CIPC: variants seen among roughly 807,000 people sequenced by gnomAD.
The protein encoded by CIPC is CLOCK-interacting pacemaker.
A neutral mutation model predicts 26.7 loss-of-function variants in CIPC; 12 were observed. That is an observed-to-expected ratio of 0.45 (90% confidence interval 0.29 to 0.73). CIPC has a LOEUF of 0.73. CIPC is among the 30% of genes least tolerant of loss of function. CIPC has a pLI of 0.12. For synonymous variants in CIPC, 170 were observed against 189.8 expected (o/e 0.90, Z 0.86); for missense variants, 417 against 486.5 (o/e 0.86, Z 1.34).
rs1489053433 is a variant in CIPC at position 77,105,739 on chromosome 14, C to T, written c.31C>T (p.Pro11Ser). ...GAGGAAAAACCCATCCAGAGAGAGC[C>T]CCAGAAGACTCTCTGCCAAAGTAGG... MERKNPSRESPRRLSAKVGKG... is the reference protein window; with the variant it reads MERKNPSRESSRRLSAKVGKG... The change falls in exon 2 of 4, where the codon CCC becomes TCC. Residue 11 changes from proline to serine, a missense_variant. Coordinates refer to ENST00000361786, the MANE Select transcript of CIPC (RefSeq NM_033426.3). The T allele has an allele frequency of 2.2e-5, 35 of 1,613,976 alleles. No homozygotes were observed. The highest frequency in any genetic ancestry group is 2.8e-5 in the Non-Finnish European group (33 of 1,179,940).
In CIPC at chr14:77,114,882, G is replaced by T. The variant is rs1308621854; in HGVS notation, c.*564G>T. 1 of 153,214 alleles carries T rather than the reference G, an allele frequency of 6.5e-6. No homozygotes were observed. The highest frequency in any genetic ancestry group is 1.5e-5 in the Non-Finnish European group (1 of 68,788). 9.5% of individuals were successfully genotyped at this position (153,214 alleles called of 1,614,324 possible). A position where few individuals can be genotyped will look rare whatever the true frequency, so the allele number is the denominator to read the frequency against. Reference sequence around the variant, plus strand: ...GGGTGTGAGCACTTAATCACTCAACGCTTTGTTTTCTTACACTTGAAAATC... The same window carrying T: ...GGGTGTGAGCACTTAATCACTCAACTCTTTGTTTTCTTACACTTGAAAATC... On this transcript the variant is annotated 3_prime_UTR_variant, in exon 4 of 4. Coordinates refer to ENST00000361786, the MANE Select transcript of CIPC (RefSeq NM_033426.3).
intron 1 of CIPC, among the ~76,000 whole-genome samples, chr14:77,102,216 G>A (rs1886502921): frequency 6.6e-6 from 1 of 152,160 alleles, no homozygotes. Flanking sequence ...CTCTGTTATA[G>A]GGCAGGACCC....
chr14:77,104,966 A>T (rs1375755816), intron 1 of CIPC, among the ~76,000 whole-genome samples: 1 of 152,244 alleles, frequency 6.6e-6, no homozygotes, highest in East Asian at 1.9e-4. Flanking sequence ...GTAAAGTGAG[A>T]TAGCAACTGA....
intron 1 of CIPC, among the ~76,000 whole-genome samples, chr14:77,102,728 C>G (rs573072904): frequency 6.6e-6 from 1 of 152,328 alleles, no homozygotes; most frequent in Admixed American, 6.5e-5. Flanking sequence ...TTAGTTGCAA[C>G]TAACATGAGC....
At chr14:77,109,436 A>G (rs754391225) in intron 2 of CIPC, among the ~76,000 whole-genome samples, 1 of 152,200 alleles carries the variant, frequency 6.6e-6, no homozygotes, top group Admixed American at 6.5e-5. Flanking sequence ...ACCTTGGGCC[A>G]TACTCGTCTC....
At chr14:77,113,308 C>A in intron 3 of CIPC, 117 bp from the exon 4 acceptor site, 1 of 1,070,116 alleles carries the variant, frequency 9.3e-7, no homozygotes, top group African/African-American at 1.5e-5. Flanking sequence ...GAGAGAAGCA[C>A]TGTCCTTGAA....
rs1297635304 is a variant in CIPC, at chr14:77,114,645, C to T, written c.*327C>T. ...TTCCTGCTGTCACCTCCCATCATCC[C>T]ACTCTCTCACCAGGATCAAGGGTAC... is the stretch of plus-strand genomic sequence containing the variant. On this transcript the variant is annotated 3_prime_UTR_variant, in exon 4 of 4. Coordinates refer to ENST00000361786, the MANE Select transcript of CIPC (RefSeq NM_033426.3). The T allele has an allele frequency of 3.7e-6, 1 of 267,380 alleles. No individual in the cohort carries two copies. The highest frequency in any genetic ancestry group is 7.2e-6 in the Non-Finnish European group (1 of 139,262). The allele number at this position is 267,380 out of a possible 1,614,324, so 16.6% of individuals were successfully genotyped here. A position where few individuals can be genotyped will look rare whatever the true frequency, so the allele number is the denominator to read the frequency against.
intron 1 of CIPC, chr14:77,100,106 G>T (rs915673725): frequency 2.6e-5 from 4 of 152,196 alleles, no homozygotes; most frequent in African/African-American, 9.6e-5. Flanking sequence ...CGAGGTTGAG[G>T]AGACAAATAA....
chr14:77,104,007 G>A (rs1886543654), intron 1 of CIPC, among the ~76,000 whole-genome samples: 1 of 152,146 alleles, frequency 6.6e-6, no homozygotes, highest in African/African-American at 2.4e-5. Flanking sequence ...TGTCACGGTA[G>A]CAACTAAATG....
At position 77,116,800 on chromosome 14, in the gene CIPC, C is replaced by T. The variant is rs1340500526; in HGVS notation, c.*2482C>T. ...GAAGCCAGATCAGCAAATGGAGGAA[C>T]CTCGGAGGTGACCAGAAAGATCTCC... On this transcript the variant is annotated 3_prime_UTR_variant, in exon 4 of 4. Coordinates refer to ENST00000361786, the MANE Select transcript of CIPC (RefSeq NM_033426.3). 6.6e-6 allele frequency: 1 copy of T among 152,174 alleles called. No individual in the cohort carries two copies. Among genetic ancestry groups the T allele is most frequent in the Non-Finnish European group, 1.5e-5 (1 of 68,048 alleles). 9.4% of individuals were successfully genotyped at this position (152,174 alleles called of 1,614,324 possible). A position where few individuals can be genotyped will look rare whatever the true frequency, so the allele number is the denominator to read the frequency against.
chr14:77,099,706 G>A (rs1461170537), intron 1 of CIPC, among the ~76,000 whole-genome samples: 2 of 152,184 alleles, frequency 1.3e-5, no homozygotes, highest in Non-Finnish European at 2.9e-5. Flanking sequence ...TAAAAGGAGA[G>A]ATCTGAAAGC....
chr14:77,112,886 AT>A (rs1370280706), intron 3 of CIPC, among the ~76,000 whole-genome samples: 1 of 151,740 alleles, frequency 6.6e-6, no homozygotes, highest in African/African-American at 2.4e-5. Flanking sequence ...AATTTTTTGT[AT>A]TTTTTAGTAG....
At chr14:77,109,442 G>T (rs912942687) in intron 2 of CIPC, among the ~76,000 whole-genome samples, 3 of 152,084 alleles carry the variant, frequency 2.0e-5, no homozygotes, top group Non-Finnish European at 2.9e-5. Context: ...GGCCATACTC[G>T]TCTCCTTTCT....
At position 77,116,309 on chromosome 14, in the gene CIPC, A is replaced by G. The variant is rs1464702844; in HGVS notation, c.*1991A>G. 6.6e-6 allele frequency: 1 copy of G among 152,130 alleles called. No homozygotes were observed. The highest frequency in any genetic ancestry group is 1.5e-5 in the Non-Finnish European group (1 of 68,024). 9.4% of individuals were successfully genotyped at this position (152,130 alleles called of 1,614,324 possible). On this transcript the variant is annotated 3_prime_UTR_variant, in exon 4 of 4. Transcript: ENST00000361786. The stretch of plus-strand genomic sequence containing the variant: ...GGCCCACTCTCTTTGCTTCCCCTGA[A>G]TCTGTGTGGTACTATAGCAGCTCTA...
At position 77,113,551 on chromosome 14, in the gene CIPC, G is replaced by A; in HGVS notation, c.433G>A (p.Glu145Lys). 1.2e-6 allele frequency: 2 copies of A among 1,614,182 alleles called. No homozygotes were observed. The highest frequency in any genetic ancestry group is 1.7e-6 in the Non-Finnish European group (2 of 1,180,050). The change falls in exon 4 of 4, where the codon GAG becomes AAG. Residue 145 changes from glutamate to lysine, a missense_variant. Coordinates refer to ENST00000361786, the MANE Select transcript of CIPC (RefSeq NM_033426.3). ...PSPVSPCHTG[E>K]KKSDSRNYLP... ...TCCTGTCAGTCCATGTCACACTGGTGAGAAAAAGTCCGACTCCAGGAACTA... is the reference window on the plus strand; with the variant it reads ...TCCTGTCAGTCCATGTCACACTGGTAAGAAAAAGTCCGACTCCAGGAACTA...
rs868158057 is a variant in CIPC, at chr14:77,100,245, T to C, written c.-53+1884T>C. On this transcript the variant is annotated intron_variant, in intron 1 of 3. Transcript: ENST00000361786. ...TTGATTCACTTTCTTTCTTTCTTTTTTTTTTTTTTTTTTTGAGACGGAGTC... is the reference window on the plus strand; with the variant it reads ...TTGATTCACTTTCTTTCTTTCTTTTCTTTTTTTTTTTTTTGAGACGGAGTC... 1.3e-3 allele frequency among the ~76,000 whole-genome samples: 184 copies of C among 146,952 alleles called. 4 individuals carry two copies. Among genetic ancestry groups the C allele is most frequent in the Admixed American group, 8.6e-3 (127 of 14,850 alleles).
rs906701581 is a variant in CIPC, at chr14:77,116,026, A to G, written c.*1708A>G. 6.6e-6 allele frequency: 1 copy of G among 152,234 alleles called. No homozygotes were observed. Among genetic ancestry groups the G allele is most frequent in the Admixed American group, 6.5e-5 (1 of 15,288 alleles). The allele number at this position is 152,234 out of a possible 1,614,324, so 9.4% of individuals were successfully genotyped here. On this transcript the variant is annotated 3_prime_UTR_variant, in exon 4 of 4. Transcript: ENST00000361786. ...TGCAAAGAAAAGTTTTACCAAGACC[A>G]GAAGTTAAATATGACATTTCCTAGG...
chr14:77,110,502 A>C (rs1314229816), intron 3 of CIPC, among the ~76,000 whole-genome samples: 1 of 152,246 alleles, frequency 6.6e-6, no homozygotes, highest in African/African-American at 2.4e-5. Flanking sequence ...TCCTGGTTCA[A>C]GTATGGGAAT....
chr14:77,104,297 G>A (rs1179114467), intron 1 of CIPC, among the ~76,000 whole-genome samples: 1 of 152,180 alleles, frequency 6.6e-6, no homozygotes, highest in African/African-American at 2.4e-5. Context: ...GCTGAGGGGA[G>A]GATCGCTTCC....
Sources: allele counts gnomAD v4.1 joint callset (sites outside exome capture counted in the v4.1 genomes callset), GRCh38; gene constraint gnomAD v4.1.1; transcripts MANE v1.5; gene names NCBI Gene and HGNC (gene_info 2026-07-23, HGNC 2026-07-21).